CDK14: variants seen among roughly 807,000 people sequenced by gnomAD.
CDK14 encodes cyclin-dependent kinase 14.
CDK14 carries 34 observed loss-of-function variants against 60.7 expected under a neutral mutation model. The ratio of observed to expected loss-of-function variants is 0.56; its 90% CI spans 0.43 to 0.75. The LOEUF is 0.75. Among genes scored for constraint, CDK14 ranks in the 30% least tolerant of loss-of-function variants. The pLI is 0.00. For missense variants in CDK14, 482 were observed against 564.1 expected (o/e 0.85, Z 1.47); for synonymous variants, 197 against 203.7 (o/e 0.97, Z 0.28).
chr7:90,726,072 G>T (rs999977528), intron 2 of CDK14, among the ~76,000 whole-genome samples: 2 of 152,156 alleles, frequency 1.3e-5, no homozygotes, highest in African/African-American at 4.8e-5. Context: ...GATGGGGACA[G>T]ATTTTAAGCA....
intron 14 of CDK14, among the ~76,000 whole-genome samples, chr7:91,161,048 C>G (rs10243839): frequency 0.016 from 2,449 of 152,256 alleles, 69 homozygotes; most frequent in African/African-American, 0.055. Flanking sequence ...CCCACATACA[C>G]CTTGGAAAGG....
At position 90,762,609 on chromosome 7, in the gene CDK14, T is replaced by C. The variant is rs2116864601; in HGVS notation, c.464+14834T>C. ...AAAAACAAGACCCAACTATATTTTA[T>C]CTATGAACTATCCTTTAAATACAAA... On this transcript the variant is annotated intron_variant, in intron 4 of 14. Coordinates refer to ENST00000380050, the MANE Select transcript of CDK14 (RefSeq NM_001287135.2). 3.9e-5 allele frequency among the ~76,000 whole-genome samples: 6 copies of C among 152,288 alleles called. No individual in the cohort carries two copies. The South Asian group carries it at 1.2e-3, about 32-fold the overall frequency.
intron 14 of CDK14, among the ~76,000 whole-genome samples, chr7:91,141,617 AG>A (rs1445396034): frequency 7.1e-6 from 1 of 140,282 alleles, no homozygotes; most frequent in Non-Finnish European, 1.6e-5. Context: ...AGAAAAAAAA[AG>A]AGAGAAATAA....
At chr7:90,983,801 A>T (rs1421820962) in intron 9 of CDK14, among the ~76,000 whole-genome samples, 1 of 152,222 alleles carries the variant, frequency 6.6e-6, no homozygotes, top group Non-Finnish European at 1.5e-5. Flanking sequence ...GTCATTCATA[A>T]GTGGGAGCTA....
chr7:91,182,288 T>A (rs969826617), intron 14 of CDK14, among the ~76,000 whole-genome samples: 1 of 152,160 alleles, frequency 6.6e-6, no homozygotes, highest in Non-Finnish European at 1.5e-5. Flanking sequence ...AATCTAATTA[T>A]TGTATAGTAC....
intron 1 of CDK14, among the ~76,000 whole-genome samples, chr7:90,601,848 G>A (rs1170947065): frequency 6.6e-6 from 1 of 151,170 alleles, no homozygotes; most frequent in South Asian, 2.1e-4. Context: ...TGCCTCCCAG[G>A]CTCAAGTGAT....
intron 10 of CDK14, among the ~76,000 whole-genome samples, chr7:91,016,352 G>A (rs181021685): frequency 1.4e-4 from 21 of 152,176 alleles, no homozygotes; most frequent in Non-Finnish European, 2.6e-4. Flanking sequence ...ATCACAGACT[G>A]AATTTTGTAT....
intron 2 of CDK14, among the ~76,000 whole-genome samples, chr7:90,636,349 A>G (rs1165083136): frequency 5.9e-5 from 9 of 152,124 alleles, no homozygotes; most frequent in Non-Finnish European, 1.2e-4. Context: ...CATGAAGGTT[A>G]TTGAATTTTG....
intron 4 of CDK14, among the ~76,000 whole-genome samples, chr7:90,765,741 A>T (rs1433305348): frequency 6.6e-6 from 1 of 152,160 alleles, no homozygotes; most frequent in Non-Finnish European, 1.5e-5. Context: ...GCAGGGAAAG[A>T]AAAGAGAACT....
Position 90,955,812 on chromosome 7 carries a change from CAT to C in CDK14, c.943_944del (p.Met315ValfsTer9). 1 of 1,613,012 alleles carries C rather than the reference CAT, an allele frequency of 6.2e-7. No individual in the cohort carries two copies. The highest frequency in any genetic ancestry group is 2.2e-5 in the East Asian group (1 of 44,848). On this transcript the variant is annotated frameshift_variant, in exon 9 of 15. Transcript: ENST00000380050. LOFTEE classifies it high-confidence loss of function. Reference protein sequence around the residue: ...GSTEYSTCLDMWGVGCIFVEM... With the variant: ...GSTEYSTCLDXWGVGCIFVEM... Reference sequence around the variant, plus strand: ...CAACAGAATATTCCACCTGCCTTGACATGTGGTGAGAAATGGAAGCTTTACTC... The same window carrying C: ...CAACAGAATATTCCACCTGCCTTGACGTGGTGAGAAATGGAAGCTTTACTC...
intron 5 of CDK14, among the ~76,000 whole-genome samples, chr7:90,840,451 A>T (rs1236468588): frequency 2.0e-5 from 3 of 152,244 alleles, no homozygotes; most frequent in African/African-American, 7.2e-5. Flanking sequence ...CCAGAACAGG[A>T]CATTCTTCTC....
intron 4 of CDK14, among the ~76,000 whole-genome samples, chr7:90,749,235 C>T (rs1204857135): frequency 2.8e-5 from 4 of 144,278 alleles, no homozygotes; most frequent in Admixed American, 6.9e-5. Context: ...CCGCTTGCCT[C>T]GTTCTATATC....
chr7:90,890,441 A>G (rs1053173978), intron 6 of CDK14, among the ~76,000 whole-genome samples: 2 of 152,182 alleles, frequency 1.3e-5, no homozygotes, highest in African/African-American at 4.8e-5. Context: ...TATAATGTAC[A>G]GTGGGTACAG....
chr7:90,710,535 G>T (rs1802021353), intron 2 of CDK14: 7 of 985,232 alleles, frequency 7.1e-6, no homozygotes, highest in Non-Finnish European at 7.2e-6. Context: ...AAATACACCT[G>T]CTTTAAGTGT....
chr7:91,186,944 A>G (rs1226449166), intron 14 of CDK14, among the ~76,000 whole-genome samples: 1 of 152,234 alleles, frequency 6.6e-6, no homozygotes, highest in African/African-American at 2.4e-5. Context: ...ATCTGCAGGA[A>G]GAAATACCAC....
intron 2 of CDK14, among the ~76,000 whole-genome samples, chr7:90,635,268 T>A (rs1800112851): frequency 6.6e-6 from 1 of 152,228 alleles, no homozygotes; most frequent in Non-Finnish European, 1.5e-5. Flanking sequence ...TGGTTTGAGG[T>A]CTAACATGTA....
intron 11 of CDK14, among the ~76,000 whole-genome samples, chr7:91,069,971 AT>A (rs1245379092): frequency 6.6e-6 from 1 of 151,844 alleles, no homozygotes; most frequent in African/African-American, 2.4e-5. Flanking sequence ...TGATTTTTCA[AT>A]TTTTTTGTAG....
intron 4 of CDK14, among the ~76,000 whole-genome samples, chr7:90,765,397 G>A (rs1477717897): frequency 6.6e-6 from 1 of 152,114 alleles, no homozygotes; most frequent in Non-Finnish European, 1.5e-5. Context: ...CAGAAGGGAT[G>A]AAATAACAGA....
chr7:90,647,688 T>A (rs1800499513), intron 2 of CDK14, among the ~76,000 whole-genome samples: 1 of 152,130 alleles, frequency 6.6e-6, no homozygotes, highest in Admixed American at 6.5e-5. Context: ...AGCTGAACTC[T>A]TTAAATAAAT....
Sources: allele counts gnomAD v4.1 joint callset (sites outside exome capture counted in the v4.1 genomes callset), GRCh38; gene constraint gnomAD v4.1.1; transcripts MANE v1.5; gene names NCBI Gene and HGNC (gene_info 2026-07-23, HGNC 2026-07-21).